The following OPCML variants were observed in gnomAD, a reference collection of about 807,000 sequenced individuals.
OPCML encodes opioid binding protein/cell adhesion molecule like, also known as opioid-binding protein/cell adhesion molecule.
In OPCML, 13 loss-of-function variants were observed where a neutral mutation model predicts 37.8. The ratio of observed to expected loss-of-function variants is 0.34; its 90% CI spans 0.22 to 0.55. OPCML has a LOEUF of 0.55. Ranked by LOEUF, OPCML falls within the 20% of genes least tolerant of loss-of-function variation. The pLI is 0.91. For synonymous variants in OPCML, 176 were observed against 168.8 expected (o/e 1.04, Z -0.33); for missense variants, 341 against 435.6 (o/e 0.78, Z 1.93).
chr11:133,239,077 C>A (rs1324616161), intron 1 of OPCML, among the ~76,000 whole-genome samples: 3 of 152,304 alleles, frequency 2.0e-5, no homozygotes, highest in Middle Eastern at 3.4e-3. Context: ...TCGTCAAAGT[C>A]AACTCAGAAG....
intron 1 of OPCML, among the ~76,000 whole-genome samples, chr11:133,003,118 T>A (rs1336016122): frequency 6.6e-6 from 1 of 152,240 alleles, no homozygotes; most frequent in East Asian, 1.9e-4. Flanking sequence ...ATTAAGTGAA[T>A]GTTTATTTAA....
At chr11:133,238,777 G>A (rs984023960) in intron 1 of OPCML, among the ~76,000 whole-genome samples, 2 of 152,190 alleles carry the variant, frequency 1.3e-5, no homozygotes, top group Non-Finnish European at 2.9e-5. Context: ...GGAAAAAAAC[G>A]ACAGTATTCT....
intron 1 of OPCML, among the ~76,000 whole-genome samples, chr11:133,529,391 CA>C (rs1171154296): frequency 6.6e-6 from 1 of 152,206 alleles, no homozygotes; most frequent in Non-Finnish European, 1.5e-5. Context: ...ACTAGAACAA[CA>C]AAATTACCCC....
At chr11:133,411,493 C>G (rs1945651000) in intron 1 of OPCML, among the ~76,000 whole-genome samples, 1 of 152,150 alleles carries the variant, frequency 6.6e-6, no homozygotes, top group Non-Finnish European at 1.5e-5. Context: ...AAATGCAGTC[C>G]CAGGCCTGGC....
At chr11:132,895,038 A>C (rs1943784018) in intron 2 of OPCML, among the ~76,000 whole-genome samples, 1 of 152,194 alleles carries the variant, frequency 6.6e-6, no homozygotes, top group South Asian at 2.1e-4. Flanking sequence ...AGATTTTAGT[A>C]CCAACAGTGG....
In OPCML at chr11:132,650,515, A is replaced by C. The variant is rs186712896; in HGVS notation, c.379+6572T>G. Among the ~76,000 whole-genome samples the C allele has an allele frequency of 3.0e-3, 464 of 152,274 alleles. 3 individuals are homozygous for C. The highest frequency in any genetic ancestry group is 4.8e-3 in the South Asian group (23 of 4,824). On this transcript the variant is annotated intron_variant, in intron 3 of 7. Coordinates refer to ENST00000524381, the MANE Select transcript of OPCML (RefSeq NM_001012393.5). ...AATTTTGGCTGTGTGCTTTATCTGC[A>C]CTAATATACAGAATTTGCAGCTTAG...
chr11:133,054,377 C>T (rs1458118206), intron 1 of OPCML, among the ~76,000 whole-genome samples: 2 of 152,194 alleles, frequency 1.3e-5, no homozygotes, highest in Non-Finnish European at 2.9e-5. Flanking sequence ...ACTCTATCTC[C>T]TTGTCTGTCC....
At chr11:132,995,726 C>G (rs1946872417) in intron 1 of OPCML, among the ~76,000 whole-genome samples, 1 of 152,136 alleles carries the variant, frequency 6.6e-6, no homozygotes, top group Non-Finnish European at 1.5e-5. Flanking sequence ...GGGCTAAAAC[C>G]AACCAACCAG....
At chr11:132,651,498 C>T (rs1404281938) in intron 3 of OPCML, among the ~76,000 whole-genome samples, 8 of 152,166 alleles carry the variant, frequency 5.3e-5, no homozygotes, top group Non-Finnish European at 7.3e-5. Flanking sequence ...TTAAAGCACG[C>T]GGCAGCTGCA....
intron 4 of OPCML, among the ~76,000 whole-genome samples, chr11:132,444,823 G>A (rs2096049211): frequency 6.6e-6 from 1 of 152,200 alleles, no homozygotes; most frequent in African/African-American, 2.4e-5. Flanking sequence ...ACCAAGGAAT[G>A]TGGACAGCAG....
At chr11:133,087,554 T>C (rs150549315) in intron 1 of OPCML, among the ~76,000 whole-genome samples, 1 of 152,336 alleles carries the variant, frequency 6.6e-6, no homozygotes, top group African/African-American at 2.4e-5. Flanking sequence ...CCAAGTAAAC[T>C]TATAAAACAT....
chr11:133,135,239 T>C (rs1381910188), intron 1 of OPCML, among the ~76,000 whole-genome samples: 1 of 152,178 alleles, frequency 6.6e-6, no homozygotes, highest in Non-Finnish European at 1.5e-5. Flanking sequence ...GCTGAAGCGT[T>C]AGTGATCCCT....
chr11:133,183,487 G>T (rs1189611076), intron 1 of OPCML, among the ~76,000 whole-genome samples: 1 of 152,174 alleles, frequency 6.6e-6, no homozygotes, highest in Non-Finnish European at 1.5e-5. Flanking sequence ...CTGAATGACT[G>T]TCTCATGACT....
At chr11:133,217,265 A>G (rs1012038925) in intron 1 of OPCML, among the ~76,000 whole-genome samples, 8 of 152,052 alleles carry the variant, frequency 5.3e-5, no homozygotes, top group African/African-American at 1.7e-4. Context: ...GCCCCCCAAA[A>G]CAAAGCACCC....
At chr11:133,039,684 C>T (rs1011268552) in intron 1 of OPCML, among the ~76,000 whole-genome samples, 1 of 152,088 alleles carries the variant, frequency 6.6e-6, no homozygotes, top group African/African-American at 2.4e-5. Flanking sequence ...TCTTGGCAGT[C>T]ATGGGTGGGT....
chr11:133,029,092 C>A (rs149652869), intron 1 of OPCML, among the ~76,000 whole-genome samples: 1 of 152,072 alleles, frequency 6.6e-6, no homozygotes, highest in African/African-American at 2.4e-5. Context: ...GATATACATG[C>A]ACCAACAAGC....
rs549788933 is a variant in OPCML at position 133,021,820 on chromosome 11, T to C, written c.62-78810A>G. On this transcript the variant is annotated intron_variant, in intron 1 of 7. Transcript: ENST00000524381. Reference sequence around the variant, plus strand: ...CAGCAAATTAGCACACCCTCAATCGTTGGCATCAGGGGACATTTAAGCTCC... The same window carrying C: ...CAGCAAATTAGCACACCCTCAATCGCTGGCATCAGGGGACATTTAAGCTCC... Among the ~76,000 whole-genome samples, 5 of 50,876 alleles carry C rather than the reference T, an allele frequency of 9.8e-5. No homozygotes were observed. In the South Asian group the frequency reaches 1.9e-3, roughly 19 times the overall value. 33.4% of individuals were successfully genotyped at this position (50,876 alleles called of 152,430 possible).
chr11:132,421,344 C>T (rs2095958339), intron 7 of OPCML, among the ~76,000 whole-genome samples: 1 of 152,076 alleles, frequency 6.6e-6, no homozygotes. Context: ...TCAAAGGAGA[C>T]AGTACACCTC....
At chr11:132,695,600 A>T (rs1364741734) in intron 2 of OPCML, among the ~76,000 whole-genome samples, 1 of 152,210 alleles carries the variant, frequency 6.6e-6, no homozygotes, top group African/African-American at 2.4e-5. Context: ...AAACAAGCTT[A>T]GTAGACCTGT....
Sources: gnomAD v4.1 joint callset for allele counts (sites outside exome capture counted in the v4.1 genomes callset) on GRCh38, gnomAD v4.1.1 for gene constraint, MANE v1.5 for transcripts, NCBI Gene and HGNC (gene_info 2026-07-23, HGNC 2026-07-21) for gene names.